CNTNAP2: variants seen among roughly 807,000 people sequenced by gnomAD.
CNTNAP2 encodes the protein contactin-associated protein-like 2.
In CNTNAP2, 98 loss-of-function variants were observed where a neutral mutation model predicts 155.2. The ratio of observed to expected loss-of-function variants is 0.63; its 90% CI spans 0.54 to 0.75. CNTNAP2 has a LOEUF of 0.75. Among genes scored for constraint, CNTNAP2 ranks in the 30% least tolerant of loss-of-function variants. The pLI is 0.00. For missense variants in CNTNAP2, 1,727 were observed against 1,688.1 expected, an observed-to-expected ratio of 1.02 and a Z score of -0.40; for synonymous variants, 651 against 631.2, an observed-to-expected ratio of 1.03 and a Z score of -0.47.
intron 3 of CNTNAP2, among the ~76,000 whole-genome samples, chr7:146,877,498 C>CT (rs1795452255): frequency 6.6e-6 from 1 of 151,258 alleles, no homozygotes; most frequent in Non-Finnish European, 1.5e-5. Flanking sequence ...GAACAAGAGC[C>CT]TGTCTGTAAA....
chr7:146,309,860 A>AGAAG (rs1279480417), intron 1 of CNTNAP2, among the ~76,000 whole-genome samples: 1 of 143,664 alleles, frequency 7.0e-6, no homozygotes, highest in Non-Finnish European at 1.5e-5. Flanking sequence ...AAGGAAAGAA[A>AGAAG]GAAGGAAGGA....
In CNTNAP2 at chr7:147,121,136, G is replaced by C. The variant is rs372998403; in HGVS notation, c.912G>C (p.Glu304Asp). Reference sequence around the variant, plus strand: ...TGCAGCACTTCCGTACCAATGGAGAGTTTGACTACCTGGACTTGGACTATG... The same window carrying C: ...TGCAGCACTTCCGTACCAATGGAGACTTTGACTACCTGGACTTGGACTATG... ...RSMQHFRTNG[E>D]FDYLDLDYEI... Residue 304 changes from glutamate to aspartate, a missense_variant, in exon 6 of 24, where the codon GAG becomes GAC. Glu to Asp is a conservative substitution (Grantham distance 45). Transcript: ENST00000361727. 1 of 1,614,028 alleles carries C rather than the reference G, an allele frequency of 6.2e-7. No individual in the cohort carries two copies. The highest frequency in any genetic ancestry group is 8.5e-7 in the Non-Finnish European group (1 of 1,180,020).
intron 21 of CNTNAP2, among the ~76,000 whole-genome samples, chr7:148,341,852 A>G (rs1798241961): frequency 6.6e-6 from 1 of 152,138 alleles, no homozygotes; most frequent in Non-Finnish European, 1.5e-5. Flanking sequence ...ACCATACTCC[A>G]CATTTGACCC....
At chr7:146,731,928 T>A (rs1425641798) in intron 1 of CNTNAP2, among the ~76,000 whole-genome samples, 1 of 151,490 alleles carries the variant, frequency 6.6e-6, no homozygotes, top group African/African-American at 2.4e-5. Context: ...AAAATTACAT[T>A]TTTTGTCTAT....
chr7:148,175,418 G>T (rs1410512439), intron 18 of CNTNAP2, among the ~76,000 whole-genome samples: 1 of 152,082 alleles, frequency 6.6e-6, no homozygotes, highest in African/African-American at 2.4e-5. Context: ...GGACCATCTA[G>T]TTGTACTTTC....
Position 146,926,092 on chromosome 7 carries a change from A to C in CNTNAP2, c.402+86188A>C, listed in dbSNP as rs186348876. ...GAGATAATAATACTCAAATGCTTAT[A>C]GTAGCTGACTGTGGTACATGGCCTT... is the stretch of plus-strand genomic sequence containing the variant. On this transcript the variant is annotated intron_variant, in intron 3 of 23. Transcript: ENST00000361727. Among the ~76,000 whole-genome samples the C allele has an allele frequency of 5.5e-3, 839 of 152,284 alleles. 5 individuals are homozygous for C. Among genetic ancestry groups the C allele is most frequent in the Non-Finnish European group, 9.7e-3 (658 of 67,992 alleles).
intron 14 of CNTNAP2, among the ~76,000 whole-genome samples, chr7:147,913,890 A>G (rs1266214250): frequency 6.6e-6 from 1 of 152,180 alleles, no homozygotes; most frequent in Non-Finnish European, 1.5e-5. Flanking sequence ...CTTTAGTACA[A>G]CTGGGTAGGA....
intron 1 of CNTNAP2, among the ~76,000 whole-genome samples, chr7:146,596,687 A>G (rs1327765530): frequency 2.9e-5 from 4 of 138,428 alleles, no homozygotes; most frequent in Non-Finnish European, 6.5e-5. Context: ...ATTCATCACT[A>G]TAACAGTAGT....
chr7:146,969,075 A>T (rs1468108811), intron 3 of CNTNAP2, among the ~76,000 whole-genome samples: 2 of 150,360 alleles, frequency 1.3e-5, no homozygotes, highest in African/African-American at 4.9e-5. Flanking sequence ...TGTACCCAGT[A>T]GTCATTCAGG....
chr7:147,163,316 C>T (rs183015368), intron 8 of CNTNAP2, among the ~76,000 whole-genome samples: 1 of 152,258 alleles, frequency 6.6e-6, no homozygotes, highest in Non-Finnish European at 1.5e-5. Flanking sequence ...AATTGGAAAC[C>T]AGTCTATTAA....
chr7:146,887,581 A>C (rs868666090), intron 3 of CNTNAP2, among the ~76,000 whole-genome samples: 4 of 151,702 alleles, frequency 2.6e-5, no homozygotes, highest in Non-Finnish European at 5.9e-5. Flanking sequence ...ATTACCATTT[A>C]TTTTTCTGTA....
chr7:148,165,298 A>T (rs946265498), intron 17 of CNTNAP2, among the ~76,000 whole-genome samples: 2 of 152,086 alleles, frequency 1.3e-5, no homozygotes, highest in Admixed American at 6.5e-5. Flanking sequence ...GTTCTATTGG[A>T]TTAGGTCTCA....
intron 2 of CNTNAP2, among the ~76,000 whole-genome samples, chr7:146,814,525 T>A (rs1803126181): frequency 6.6e-6 from 1 of 152,154 alleles, no homozygotes. Context: ...AAGTGCAAAC[T>A]ATAGACCAAA....
intron 3 of CNTNAP2, among the ~76,000 whole-genome samples, chr7:146,934,908 A>T (rs1370253485): frequency 6.6e-6 from 1 of 152,226 alleles, no homozygotes. Context: ...ACCTTTTATG[A>T]TCACTGTCTT....
At chr7:148,155,925 C>A (rs561801158) in intron 17 of CNTNAP2, among the ~76,000 whole-genome samples, 63 of 152,300 alleles carry the variant, frequency 4.1e-4, no homozygotes, top group Non-Finnish European at 6.3e-4. Flanking sequence ...CAGCTTCCCA[C>A]AACGTGCAGG....
chr7:146,913,919 CCT>C (rs1228796734), intron 3 of CNTNAP2, among the ~76,000 whole-genome samples: 1 of 152,000 alleles, frequency 6.6e-6, no homozygotes, highest in Admixed American at 6.6e-5. Context: ...TACCCTTTCC[CCT>C]GAGTCCCCAA....
At chr7:147,759,794 A>G (rs1043598290) in intron 13 of CNTNAP2, among the ~76,000 whole-genome samples, 1 of 152,184 alleles carries the variant, frequency 6.6e-6, no homozygotes, top group Non-Finnish European at 1.5e-5. Flanking sequence ...TGTTTGCTCC[A>G]TAATTATATC....
At chr7:147,111,145 TC>T (rs1323753483) in intron 5 of CNTNAP2, among the ~76,000 whole-genome samples, 36 of 152,228 alleles carry the variant, frequency 2.4e-4, no homozygotes, top group Admixed American at 2.4e-3. Context: ...AGATTTTTTT[TC>T]ATGTTTGTTG....
intron 14 of CNTNAP2, among the ~76,000 whole-genome samples, chr7:147,949,413 C>A (rs1800881786): frequency 1.5e-5 from 2 of 137,642 alleles, no homozygotes; most frequent in Admixed American, 1.5e-4. Context: ...ACAGTTCAAA[C>A]CTGTGTTGTT....
Sources: gnomAD v4.1 joint callset for allele counts (sites outside exome capture counted in the v4.1 genomes callset) on GRCh38, gnomAD v4.1.1 for gene constraint, MANE v1.5 for transcripts, NCBI Gene and HGNC (gene_info 2026-07-23, HGNC 2026-07-21) for gene names.